The following SP140L variants were observed in gnomAD, a reference collection of about 807,000 sequenced individuals.
SP140L encodes nuclear body protein SP140-like protein.
In SP140L, 64 loss-of-function variants were observed where a neutral mutation model predicts 84.3. The ratio of observed to expected loss-of-function variants is 0.76; its 90% confidence interval spans 0.62 to 0.94. The LOEUF (loss-of-function observed/expected upper bound fraction) is 0.94, where lower values mean the gene tolerates loss of function less well. Among genes scored for constraint, SP140L ranks in the 40% least tolerant of loss-of-function variants. SP140L has a pLI of 0.00. For missense variants in SP140L, 628 were observed against 692.5 expected (o/e 0.91, Z 1.05); for synonymous variants, 242 against 236.9 (o/e 1.02, Z -0.20).
intron 7 of SP140L, among the ~76,000 whole-genome samples, chr2:230,378,573 CT>C (rs2061319237): frequency 6.6e-6 from 1 of 152,186 alleles, no homozygotes; most frequent in Non-Finnish European, 1.5e-5. Context: ...TGGTTTTTCT[CT>C]GGAAATATCG....
At chr2:230,358,007 C>T in intron 3 of SP140L, 40 bp downstream of exon 3, 1 of 1,602,852 alleles carries the variant, frequency 6.2e-7, no homozygotes, top group Non-Finnish European at 8.5e-7. Flanking sequence ...GATATGCTTT[C>T]ATATTTTACA....
intron 2 of SP140L, among the ~76,000 whole-genome samples, chr2:230,332,940 G>C (rs1017775399): frequency 1.3e-5 from 2 of 151,994 alleles, no homozygotes; most frequent in African/African-American, 4.8e-5. Context: ...CTTCTTTCTT[G>C]CTTTACTATC....
At chr2:230,349,747 G>A (rs1210397934) in intron 2 of SP140L, among the ~76,000 whole-genome samples, 2 of 152,152 alleles carry the variant, frequency 1.3e-5, no homozygotes, top group Non-Finnish European at 2.9e-5. Context: ...AGTGGCTCAT[G>A]TCTGTAAACC....
At chr2:230,380,502 A>G (rs567795135) in intron 7 of SP140L, among the ~76,000 whole-genome samples, 113 of 152,308 alleles carry the variant, frequency 7.4e-4, no homozygotes, top group African/African-American at 2.6e-3. Flanking sequence ...AAAATTTACA[A>G]TGAAATGCAC....
At chr2:230,336,276 G>A (rs948817808) in intron 2 of SP140L, among the ~76,000 whole-genome samples, 1 of 152,194 alleles carries the variant, frequency 6.6e-6, no homozygotes, top group African/African-American at 2.4e-5. Flanking sequence ...ACCAGTTGTG[G>A]TTGATTTCTT....
chr2:230,370,931 G>A lies in SP140L; in HGVS notation c.547G>A (p.Ala183Thr). ...KQGEVPESPE[A>T]RKESDQACGK... is the part of the protein sequence containing the mutation. ...AGGAGAAGTGCCAGAAAGCCCGGAAGCAAGGAAGGAAAGTGACCAAGCATG... is the reference window on the plus strand; with the variant it reads ...AGGAGAAGTGCCAGAAAGCCCGGAAACAAGGAAGGAAAGTGACCAAGCATG... Residue 183 changes from alanine (A) to threonine (T), a missense_variant, in exon 6 of 19, where the codon GCA becomes ACA. This residue lies in a region of SP140L where 525 missense variants were observed against 518.4 expected (regional missense o/e 1.01). Transcript: ENST00000415673. 1.2e-6 allele frequency: 2 copies of A among 1,613,794 alleles called. No individual in the cohort carries two copies. Among genetic ancestry groups the A allele is most frequent in the South Asian group, 2.2e-5 (2 of 91,026 alleles).
chr2:230,393,496 A>C (rs2061913713), intron 13 of SP140L, 35 bp downstream of exon 13: 2 of 1,542,268 alleles, frequency 1.3e-6, no homozygotes, highest in Non-Finnish European at 1.7e-6. Flanking sequence ...GATTCTTGTC[A>C]CACAACAGAT....
chr2:230,395,703 G>A (rs935204504), intron 13 of SP140L, among the ~76,000 whole-genome samples: 2 of 152,252 alleles, frequency 1.3e-5, no homozygotes, highest in African/African-American at 4.8e-5. Flanking sequence ...TCAGGTGCTT[G>A]TGCTTTAGAT....
At chr2:230,350,144 C>T (rs955821489) in intron 2 of SP140L, among the ~76,000 whole-genome samples, 1 of 152,158 alleles carries the variant, frequency 6.6e-6, no homozygotes, top group Non-Finnish European at 1.5e-5. Context: ...CTGAAACTGT[C>T]CACTAAGCCA....
chr2:230,383,373 C>T, intron 7 of SP140L, 137 bp from the exon 8 acceptor site: 1 of 822,346 alleles, frequency 1.2e-6, no homozygotes, highest in South Asian at 2.0e-5. Context: ...TTCCACACTG[C>T]TACACTGATC....
chr2:230,392,041 G>C, intron 11 of SP140L, 46 bp from the exon 12 acceptor site: 1 of 1,610,598 alleles, frequency 6.2e-7, no homozygotes, highest in South Asian at 1.1e-5. Flanking sequence ...CAGTCTGAGC[G>C]CTGGGAACAA....
At position 230,327,398 on chromosome 2, in the gene SP140L, C is replaced by T. The variant is rs1575415840; in HGVS notation, c.32+97C>T. On this transcript the variant is annotated intron_variant, in intron 1 of 18. Coordinates refer to ENST00000415673, the MANE Select transcript of SP140L (RefSeq NM_138402.6). ...TTCTGTCTAAAGCTTCAGTTTAGTCCTGCTTTGCAAGAACATAGGTAGGTA... is the reference window on the plus strand; with the variant it reads ...TTCTGTCTAAAGCTTCAGTTTAGTCTTGCTTTGCAAGAACATAGGTAGGTA... The T allele has an allele frequency of 4.3e-6, 6 of 1,403,820 alleles. No individual in the cohort carries two copies. In the East Asian group the frequency reaches 1.5e-4, roughly 35 times the overall value. 87.0% of individuals were successfully genotyped at this position (1,403,820 alleles called of 1,614,324 possible). A position where few individuals can be genotyped will look rare whatever the true frequency, so the allele number is the denominator to read the frequency against.
chr2:230,382,119 C>G (rs181586248), intron 7 of SP140L, among the ~76,000 whole-genome samples: 69 of 152,156 alleles, frequency 4.5e-4, no homozygotes, highest in African/African-American at 1.6e-3. Context: ...GACAGTCTGT[C>G]CAATCTATCC....
At chr2:230,353,172 T>C (rs2060416944) in intron 2 of SP140L, among the ~76,000 whole-genome samples, 1 of 152,120 alleles carries the variant, frequency 6.6e-6, no homozygotes, top group South Asian at 2.1e-4. Context: ...TTTCTCTTTC[T>C]TTCTATTTCT....
chr2:230,338,039 T>A (rs2059929112), intron 2 of SP140L, among the ~76,000 whole-genome samples: 1 of 147,214 alleles, frequency 6.8e-6, no homozygotes, highest in Non-Finnish European at 1.5e-5. Context: ...AAGAAAGTCA[T>A]TGGTAGCTTG....
chr2:230,343,577 A>G lies in SP140L; in HGVS notation c.108-14228A>G, dbSNP rs2060125601. Reference sequence around the variant, plus strand: ...TTGTATCTTTATAATAGAATGATTTATATTCCTTTGGGTATATATCCAGTA... The same window carrying G: ...TTGTATCTTTATAATAGAATGATTTGTATTCCTTTGGGTATATATCCAGTA... On this transcript the variant is annotated intron_variant, in intron 2 of 18. Transcript: ENST00000415673. 2.0e-5 allele frequency among the ~76,000 whole-genome samples: 3 copies of G among 149,228 alleles called. 1 individual carries two copies. The highest frequency in any genetic ancestry group is 1.3e-4 in the Admixed American group (2 of 14,930).
At chr2:230,354,898 G>A (rs559068808) in intron 2 of SP140L, among the ~76,000 whole-genome samples, 14 of 77,688 alleles carry the variant, frequency 1.8e-4, no homozygotes, top group African/African-American at 4.3e-4. Context: ...AGAAAGAAAG[G>A]AAAGAGAAAG....
intron 5 of SP140L, among the ~76,000 whole-genome samples, chr2:230,367,819 C>G (rs535538301): frequency 6.6e-6 from 1 of 152,270 alleles, no homozygotes; most frequent in South Asian, 2.1e-4. Flanking sequence ...GTAACCCCAG[C>G]TACTGGGAAG....
intron 12 of SP140L, among the ~76,000 whole-genome samples, chr2:230,392,514 A>G (rs796788324): frequency 5.9e-5 from 9 of 152,302 alleles, no homozygotes; most frequent in African/African-American, 2.2e-4. Context: ...TGAGAAAAAG[A>G]AGAGAGTCGA....
Sources: allele counts gnomAD v4.1 joint callset (sites outside exome capture counted in the v4.1 genomes callset), GRCh38; gene constraint gnomAD v4.1.1; regional missense constraint gnomAD v4.1.1; transcripts MANE v1.5; gene names NCBI Gene and HGNC (gene_info 2026-07-23, HGNC 2026-07-21).